The following TTC21B variants were observed in gnomAD, a reference collection of about 807,000 sequenced individuals.
TTC21B encodes tetratricopeptide repeat protein 21B.
A neutral mutation model predicts 175.1 loss-of-function variants in TTC21B; 127 were observed. The ratio of observed to expected loss-of-function variants is 0.73; its 90% confidence interval spans 0.63 to 0.84. The LOEUF (loss-of-function observed/expected upper bound fraction) is 0.84, where lower values mean the gene tolerates loss of function less well. Among genes scored for constraint, TTC21B ranks in the 40% least tolerant of loss-of-function variants. TTC21B has a pLI of 0.00. For missense variants in TTC21B, 1,561 were observed against 1,558.3 expected, an observed-to-expected ratio of 1.00 and a Z score of -0.03; for synonymous variants, 524 against 524.5, an observed-to-expected ratio of 1.00 and a Z score of 0.01.
At chr2:165,887,970 C>G (rs1685064748) in intron 25 of TTC21B, among the ~76,000 whole-genome samples, 1 of 152,122 alleles carries the variant, frequency 6.6e-6, no homozygotes, top group Non-Finnish European at 1.5e-5. Context: ...TTGGCTACAT[C>G]TACAACACAG....
intron 18 of TTC21B, among the ~76,000 whole-genome samples, chr2:165,908,843 T>C (rs1019740621): frequency 6.6e-6 from 1 of 152,138 alleles, no homozygotes; most frequent in African/African-American, 2.4e-5. Flanking sequence ...TATCCACATT[T>C]AGGCCTTTCA....
chr2:165,926,084 A>C (rs905316516), intron 11 of TTC21B, among the ~76,000 whole-genome samples: 4 of 152,232 alleles, frequency 2.6e-5, no homozygotes, highest in Non-Finnish European at 5.9e-5. Context: ...AAGAAGTAGG[A>C]ACAGAGCTAA....
At chr2:165,921,281 C>T (rs1686396318) in intron 12 of TTC21B, among the ~76,000 whole-genome samples, 1 of 151,872 alleles carries the variant, frequency 6.6e-6, no homozygotes, top group African/African-American at 2.4e-5. Context: ...TAATGAAATC[C>T]CAATAAAAGC....
rs772590242 is a variant in TTC21B, at chr2:165,917,532, T to C, written c.1675-51A>G. ...TTGGAGTGCTTACAACATCAACACA[T>C]AATTTACAATCCATCAAACATTAAA... On this transcript the variant is annotated intron_variant, in intron 13 of 28. Transcript: ENST00000243344. The C allele has an allele frequency of 5.1e-6, 7 of 1,360,220 alleles. No homozygotes were observed. In the Admixed American group the frequency reaches 1.0e-4, roughly 20 times the overall value. 84.3% of individuals were successfully genotyped at this position (1,360,220 alleles called of 1,614,324 possible). A position where few individuals can be genotyped will look rare whatever the true frequency, so the allele number is the denominator to read the frequency against.
chr2:165,899,135 A>C (rs1332694530), intron 21 of TTC21B, among the ~76,000 whole-genome samples: 1 of 152,228 alleles, frequency 6.6e-6, no homozygotes, highest in Non-Finnish European at 1.5e-5. Context: ...TTCAAAAATG[A>C]AACAAAATTT....
intron 12 of TTC21B, among the ~76,000 whole-genome samples, chr2:165,920,061 CG>C (rs899116657): frequency 6.6e-6 from 1 of 152,100 alleles, no homozygotes; most frequent in Non-Finnish European, 1.5e-5. Flanking sequence ...GAATTGACCT[CG>C]GGCTGATAGA....
intron 14 of TTC21B, 27 bp from the exon 15 acceptor site, chr2:165,915,466 T>G: frequency 6.4e-7 from 1 of 1,553,464 alleles, no homozygotes; most frequent in Non-Finnish European, 8.9e-7. Flanking sequence ...AAAATAATCA[T>G]TCTTCCAAAA....
intron 27 of TTC21B, among the ~76,000 whole-genome samples, chr2:165,876,994 C>A (rs1261677694): frequency 2.6e-5 from 4 of 152,180 alleles, no homozygotes; most frequent in African/African-American, 9.6e-5. Flanking sequence ...ATCACAATTA[C>A]TGATAGTGAA....
intron 22 of TTC21B, among the ~76,000 whole-genome samples, chr2:165,893,229 A>C (rs1354613244): frequency 1.3e-5 from 2 of 152,218 alleles, no homozygotes; most frequent in East Asian, 3.8e-4. Context: ...AATATTTATA[A>C]ATTACAAATG....
chr2:165,947,025 A>G (rs1687593190), intron 3 of TTC21B, among the ~76,000 whole-genome samples: 1 of 151,390 alleles, frequency 6.6e-6, no homozygotes, highest in Admixed American at 6.6e-5. Context: ...ATTCTAAAAT[A>G]TATAAACATG....
intron 11 of TTC21B, among the ~76,000 whole-genome samples, chr2:165,925,828 C>G (rs1686605435): frequency 6.6e-6 from 1 of 152,004 alleles, no homozygotes; most frequent in Non-Finnish European, 1.5e-5. Flanking sequence ...GTAATAGATA[C>G]AGAGCAAACA....
intron 3 of TTC21B, chr2:165,948,336 T>G (rs1275819271): frequency 6.6e-6 from 1 of 152,214 alleles, no homozygotes; most frequent in Non-Finnish European, 1.5e-5. Context: ...TTTTCTCCAC[T>G]AGATTACCAA....
chr2:165,923,755 T>G (rs1394672254), intron 12 of TTC21B, among the ~76,000 whole-genome samples: 1 of 148,650 alleles, frequency 6.7e-6, no homozygotes, highest in African/African-American at 2.5e-5. Flanking sequence ...TTTTTTTTTT[T>G]TTTTTTTTTA....
intron 19 of TTC21B, among the ~76,000 whole-genome samples, chr2:165,903,161 G>A (rs1407296793): frequency 6.6e-6 from 1 of 152,202 alleles, no homozygotes; most frequent in Non-Finnish European, 1.5e-5. Context: ...CAAGTTAAGT[G>A]GAAAATGCTG....
intron 3 of TTC21B, chr2:165,948,060 G>A (rs201451765): frequency 6.6e-6 from 1 of 152,276 alleles, no homozygotes; most frequent in East Asian, 1.9e-4. Flanking sequence ...CTGGAGTACG[G>A]AGAAAGGGGA....
chr2:165,885,169 AG>A (rs1684962803), intron 25 of TTC21B, among the ~76,000 whole-genome samples: 1 of 152,126 alleles, frequency 6.6e-6, no homozygotes, highest in African/African-American at 2.4e-5. Context: ...ACAAAAACAA[AG>A]GGTAAGAAAT....
In TTC21B at chr2:165,914,172, T is replaced by A. The variant is rs1226370920; in HGVS notation, c.2139-526A>T. On this transcript the variant is annotated intron_variant, in intron 15 of 28. Coordinates refer to ENST00000243344, the MANE Select transcript of TTC21B (RefSeq NM_024753.5). ...ATTACCAAAGTTATTGAAATAATAA[T>A]GTGGTGTTAAGTCTTTAACATACAG... Among the ~76,000 whole-genome samples the A allele has an allele frequency of 2.6e-5, 4 of 152,206 alleles. No homozygotes were observed. In the East Asian group the frequency reaches 7.7e-4, roughly 29 times the overall value.
At chr2:165,892,870 G>A (rs1685242009) in intron 22 of TTC21B, among the ~76,000 whole-genome samples, 1 of 152,096 alleles carries the variant, frequency 6.6e-6, no homozygotes, top group Non-Finnish European at 1.5e-5. Flanking sequence ...GATGAATTTT[G>A]TGTTATATAT....
intron 9 of TTC21B, 131 bp downstream of exon 9, chr2:165,930,041 C>T (rs929735938): frequency 1.8e-5 from 14 of 796,570 alleles, no homozygotes; most frequent in Admixed American, 8.2e-5. Flanking sequence ...ATGACTTTTT[C>T]GAGTGTGGGC....
Sources: allele counts gnomAD v4.1 joint callset (sites outside exome capture counted in the v4.1 genomes callset), GRCh38; gene constraint gnomAD v4.1.1; transcripts MANE v1.5; gene names NCBI Gene and HGNC (gene_info 2026-07-23, HGNC 2026-07-21).